The following SATB1 variants were observed in gnomAD, a reference collection of about 807,000 sequenced individuals.
SATB1 encodes the protein DNA-binding protein SATB1.
SATB1 carries 11 observed loss-of-function variants against 86.9 expected under a neutral mutation model. The ratio of observed to expected loss-of-function variants is 0.13; its 90% CI spans 0.08 to 0.21. SATB1 has a LOEUF of 0.21. Ranked by LOEUF, SATB1 falls within the 10% of genes least tolerant of loss-of-function variation. The pLI is 1.00. For synonymous variants in SATB1, 357 were observed against 357.2 expected (o/e 1.00, Z 0.01); for missense variants, 551 against 937.6 (o/e 0.59, Z 5.39).
chr3:18,443,617 A>G (rs1438503362), upstream of SATB1, among the ~76,000 whole-genome samples: 1 of 152,152 alleles, frequency 6.6e-6, no homozygotes, highest in East Asian at 1.9e-4. This position sits in a 1 kb window ranked among gnomAD's most constrained non-coding sequence, Gnocchi z 4.4. Flanking sequence ...CCAAGAGGAA[A>G]CTGCGTTTCC....
intron 1 of SATB1, among the ~76,000 whole-genome samples, chr3:18,423,373 A>G (rs1166595457): frequency 6.6e-6 from 1 of 152,166 alleles, no homozygotes; most frequent in Non-Finnish European, 1.5e-5. Flanking sequence ...TCGAAATTCT[A>G]GTTTTTTAGG....
At chr3:18,377,700 G>A (rs1193640989) in intron 9 of SATB1, among the ~76,000 whole-genome samples, 1 of 152,082 alleles carries the variant, frequency 6.6e-6, no homozygotes, top group Non-Finnish European at 1.5e-5. Flanking sequence ...AATAGTTGCA[G>A]CCAGCTGAGT....
chr3:18,348,933 T>A lies in SATB1; in HGVS notation c.*237A>T. The A allele has an allele frequency of 1.6e-6, 1 of 610,040 alleles. No homozygotes were observed. Among genetic ancestry groups the A allele is most frequent in the South Asian group, 2.3e-5 (1 of 42,916 alleles). 37.8% of individuals were successfully genotyped at this position (610,040 alleles called of 1,614,324 possible). ...TTTGGTGCATCCCGTGAACACAAAT[T>A]TTAATACCAAACAATCCTTGATGCT... is the stretch of plus-strand genomic sequence containing the variant. On this transcript the variant is annotated 3_prime_UTR_variant, in exon 11 of 11. Transcript: ENST00000338745.
At chr3:18,351,220 T>C in intron 10 of SATB1, 1 of 1,015,332 alleles carries the variant, frequency 9.8e-7, no homozygotes, top group Non-Finnish European at 1.5e-6. Flanking sequence ...TAGTAGGGCC[T>C]TTACAGGTTT....
chr3:18,406,336 A>G (rs545159522), intron 5 of SATB1, among the ~76,000 whole-genome samples: 1 of 152,012 alleles, frequency 6.6e-6, no homozygotes, highest in Non-Finnish European at 1.5e-5. Flanking sequence ...TACTGTTAAC[A>G]TTTCCGTATT....
intron 10 of SATB1, chr3:18,351,398 G>T: frequency 1.3e-6 from 2 of 1,548,612 alleles, no homozygotes; most frequent in East Asian, 2.4e-5. Context: ...AAGGGTGGTG[G>T]GAGAGGGGCT....
chr3:18,422,521 T>C (rs1698443182), intron 1 of SATB1, among the ~76,000 whole-genome samples: 1 of 152,230 alleles, frequency 6.6e-6, no homozygotes, highest in South Asian at 2.1e-4. Flanking sequence ...TTTTTGGTTA[T>C]GAGGTTCATT....
At chr3:18,361,115 T>C (rs1694887350) in intron 9 of SATB1, among the ~76,000 whole-genome samples, 2 of 152,290 alleles carry the variant, frequency 1.3e-5, no homozygotes, top group African/African-American at 2.4e-5. Context: ...CTCTTTACCA[T>C]ACTTTCTTGA....
rs1313504682 is a variant in SATB1, at chr3:18,394,704, C to T, written c.964G>A (p.Val322Met). 3 of 1,613,954 alleles carry T rather than the reference C, an allele frequency of 1.9e-6. No individual in the cohort carries two copies. The highest frequency in any genetic ancestry group is 2.5e-6 in the Non-Finnish European group (3 of 1,179,966). ...TGCTGGTTCAGCAGCTGAGCCATCA[C>T]CAGCTGCTGGTTGACCAATTGAGGA... ...ISPQLVNQQL[V>M]MAQLLNQQYA... Residue 322 changes from valine (V) to methionine (M), a missense_variant, in exon 7 of 11, where the codon GTG (valine) becomes ATG (methionine). Val to Met is a conservative substitution (Grantham distance 21). Transcript: ENST00000338745. The surrounding 1 kb of genome is among the most constrained non-coding windows in gnomAD (Gnocchi z 5.9).
At chr3:18,354,904 G>C (rs943026612) in intron 9 of SATB1, among the ~76,000 whole-genome samples, 1 of 152,010 alleles carries the variant, frequency 6.6e-6, no homozygotes, top group African/African-American at 2.4e-5. Context: ...CTAGACTTAC[G>C]AGACAGATCC....
rs762402113 is a variant in SATB1 at position 18,352,242 on chromosome 3, C to T, written c.1576-47G>A. 6.4e-7 allele frequency: 1 copy of T among 1,558,320 alleles called. No individual in the cohort carries two copies. The highest frequency in any genetic ancestry group is 1.7e-5 in the Admixed American group (1 of 59,116). On this transcript the variant is annotated intron_variant, in intron 9 of 10. Coordinates refer to ENST00000338745, the MANE Select transcript of SATB1 (RefSeq NM_002971.6). This position sits in a 1 kb window ranked among gnomAD's most constrained non-coding sequence, Gnocchi z 4.1. ...GGTCAGTTTGTGCCTATGAGAGGGGCTGGCATTTTCCATTAGGAGCTAAAA... is the reference window on the plus strand; with the variant it reads ...GGTCAGTTTGTGCCTATGAGAGGGGTTGGCATTTTCCATTAGGAGCTAAAA...
chr3:18,390,723 T>C (rs1467369466), intron 7 of SATB1, among the ~76,000 whole-genome samples: 2 of 152,030 alleles, frequency 1.3e-5, no homozygotes, highest in Non-Finnish European at 2.9e-5. Context: ...CATTCTTTAT[T>C]TTACTGGAAA....
intron 9 of SATB1, among the ~76,000 whole-genome samples, chr3:18,361,981 C>T (rs1284662684): frequency 2.0e-5 from 3 of 152,026 alleles, no homozygotes; most frequent in African/African-American, 7.2e-5. Context: ...TTCCTTATGC[C>T]TATATCTTCT....
intron 2 of SATB1, among the ~76,000 whole-genome samples, chr3:18,419,935 TTATC>T (rs1276348860): frequency 1.3e-5 from 2 of 152,244 alleles, no homozygotes; most frequent in African/African-American, 2.4e-5. Flanking sequence ...CCTTCTAACT[TTATC>T]TACTTAATAT....
At chr3:18,371,007 A>C (rs946658685) in intron 9 of SATB1, among the ~76,000 whole-genome samples, 2 of 152,212 alleles carry the variant, frequency 1.3e-5, no homozygotes, top group African/African-American at 2.4e-5. Flanking sequence ...TGCATCAACA[A>C]ACTGGTAATA....
rs2125116082 is a variant in SATB1, at chr3:18,345,635, A to AAGAC, written c.*3531_*3534dup. ...TAAAAAGTCAAAAATATGCATAAAG[A>AAGAC]AGACTAGTATTGATATTTTCTGATA... On this transcript the variant is annotated 3_prime_UTR_variant, in exon 11 of 11. Coordinates refer to ENST00000338745, the MANE Select transcript of SATB1 (RefSeq NM_002971.6). 1 of 152,034 alleles carries AAGAC rather than the reference A, an allele frequency of 6.6e-6. No homozygotes were observed. The highest frequency in any genetic ancestry group is 2.4e-5 in the African/African-American group (1 of 41,530). The allele number at this position is 152,034 out of a possible 1,614,324, so 9.4% of individuals were successfully genotyped here.
At chr3:18,439,461 T>C (rs1268807931), upstream of SATB1, among the ~76,000 whole-genome samples, 1 of 152,162 alleles carries the variant, frequency 6.6e-6, no homozygotes, top group African/African-American at 2.4e-5. Flanking sequence ...CAGCAAAAGA[T>C]ACCATTGGCA....
At chr3:18,419,718 C>T (rs192623477) in intron 2 of SATB1, among the ~76,000 whole-genome samples, 39 of 152,260 alleles carry the variant, frequency 2.6e-4, no homozygotes, top group African/African-American at 9.4e-4. Context: ...TCTTGGCAAA[C>T]AATCAATAAA....
intron 9 of SATB1, among the ~76,000 whole-genome samples, chr3:18,362,256 A>G (rs1257587602): frequency 6.6e-6 from 1 of 152,028 alleles, no homozygotes; most frequent in Non-Finnish European, 1.5e-5. Flanking sequence ...TACATTTATC[A>G]CAAACAAATG....
Sources: gnomAD v4.1 joint callset for allele counts (sites outside exome capture counted in the v4.1 genomes callset) on GRCh38, gnomAD v4.1.1 for gene constraint, Gnocchi (gnomAD v3.1) non-coding constraint, MANE v1.5 for transcripts, NCBI Gene and HGNC (gene_info 2026-07-23, HGNC 2026-07-21) for gene names.